The following PDE11A variants were observed in gnomAD, a reference collection of about 807,000 sequenced individuals.
The protein encoded by PDE11A is dual 3',5'-cyclic-AMP and -GMP phosphodiesterase 11A.
Under a neutral mutation model 100.5 loss-of-function variants are expected in PDE11A, and 100 were observed. That is an observed-to-expected ratio of 1.00 (90% CI 0.85 to 1.18). The LOEUF (loss-of-function observed/expected upper bound fraction) is 1.18, where lower values mean the gene tolerates loss of function less well. Among genes scored for constraint, PDE11A ranks in the 50% most tolerant of loss-of-function variants. PDE11A has a pLI of 0.00. For synonymous variants in PDE11A, 381 were observed against 420.8 expected, an observed-to-expected ratio of 0.91 and a Z score of 1.16; for missense variants, 1,141 against 1,152.6, an observed-to-expected ratio of 0.99 and a Z score of 0.15.
chr2:177,812,320 A>G (rs1377936882), intron 9 of PDE11A, among the ~76,000 whole-genome samples: 1 of 152,128 alleles, frequency 6.6e-6, no homozygotes, highest in East Asian at 1.9e-4. Flanking sequence ...ATTCAAGCCT[A>G]ACTAAACTGA....
chr2:177,633,407 C>A (rs1382213261), intron 19 of PDE11A, among the ~76,000 whole-genome samples: 2 of 152,192 alleles, frequency 1.3e-5, no homozygotes, highest in Non-Finnish European at 1.5e-5. Context: ...AAATAATCCT[C>A]TGCTCCAGGG....
intron 6 of PDE11A, among the ~76,000 whole-genome samples, chr2:177,830,406 C>T (rs1301411714): frequency 1.3e-5 from 2 of 151,970 alleles, no homozygotes; most frequent in East Asian, 3.9e-4. Context: ...TCAAGACCAG[C>T]CTGGCCAACA....
intron 3 of PDE11A, among the ~76,000 whole-genome samples, chr2:177,904,626 C>T (rs1463624853): frequency 1.3e-5 from 2 of 150,386 alleles, no homozygotes; most frequent in East Asian, 2.0e-4. Context: ...GCGATCTCCA[C>T]TCACTGTGAC....
At chr2:177,767,204 C>T (rs2082251415) in intron 10 of PDE11A, among the ~76,000 whole-genome samples, 1 of 152,152 alleles carries the variant, frequency 6.6e-6, no homozygotes, top group Admixed American at 6.5e-5. Flanking sequence ...GTGATGCGCG[C>T]CTGTAATCCC....
At chr2:177,765,247 A>G (rs1478957475) in intron 10 of PDE11A, among the ~76,000 whole-genome samples, 1 of 152,228 alleles carries the variant, frequency 6.6e-6, no homozygotes, top group Non-Finnish European at 1.5e-5. Flanking sequence ...TATGAAACAG[A>G]AAGACCAGAT....
intron 12 of PDE11A, among the ~76,000 whole-genome samples, chr2:177,724,664 A>G (rs1417176449): frequency 6.6e-6 from 1 of 152,124 alleles, no homozygotes; most frequent in African/African-American, 2.4e-5. Flanking sequence ...AAACAGGCCC[A>G]TCCTGATGGG....
intron 2 of PDE11A, among the ~76,000 whole-genome samples, chr2:178,098,762 A>G (rs537803928): frequency 1.3e-5 from 2 of 152,324 alleles, no homozygotes; most frequent in Admixed American, 1.3e-4. Flanking sequence ...ATTTTTGTAT[A>G]ATGTAAGCAT....
intron 1 of PDE11A, among the ~76,000 whole-genome samples, chr2:178,036,922 G>T (rs779161718): frequency 1.3e-5 from 2 of 152,102 alleles, no homozygotes; most frequent in Non-Finnish European, 2.9e-5. Context: ...AAAAACCCTA[G>T]AAGAAAACCC....
intron 5 of PDE11A, among the ~76,000 whole-genome samples, chr2:177,863,507 C>T (rs10178125): frequency 0.97 from 148,147 of 152,176 alleles, 72,218 homozygotes; most frequent in Middle Eastern, 1. Context: ...CAGCCCAATC[C>T]AAAAATGGGC....
chr2:177,762,971 C>T (rs373272485), intron 10 of PDE11A, among the ~76,000 whole-genome samples: 11 of 152,188 alleles, frequency 7.2e-5, no homozygotes, highest in African/African-American at 2.7e-4. Context: ...CACTCCCCCG[C>T]CCTCCGCCAC....
At chr2:177,784,206 T>C (rs2082496517) in intron 9 of PDE11A, among the ~76,000 whole-genome samples, 1 of 75,984 alleles carries the variant, frequency 1.3e-5, no homozygotes, top group East Asian at 4.4e-4. Flanking sequence ...CCACAAAGAC[T>C]GCTGATAAAA....
intron 2 of PDE11A, among the ~76,000 whole-genome samples, chr2:177,980,975 T>TAC (rs3073403): frequency 0.04 from 5,170 of 129,646 alleles, 198 homozygotes; most frequent in South Asian, 0.08. Flanking sequence ...GAGAACTAGA[T>TAC]ACACACACAC....
intron 2 of PDE11A, among the ~76,000 whole-genome samples, chr2:178,004,653 T>C (rs1359289763): frequency 6.6e-6 from 1 of 152,224 alleles, no homozygotes; most frequent in Non-Finnish European, 1.5e-5. Flanking sequence ...GACAGTTCTT[T>C]GTCATTTTGC....
chr2:178,031,285 G>T (rs188540865), intron 1 of PDE11A, among the ~76,000 whole-genome samples: 1 of 152,238 alleles, frequency 6.6e-6, no homozygotes, highest in Non-Finnish European at 1.5e-5. Flanking sequence ...AAGACAAAGA[G>T]ACCTGTTATA....
intron 19 of PDE11A, among the ~76,000 whole-genome samples, chr2:177,659,293 A>C (rs1388960111): frequency 6.6e-6 from 1 of 150,796 alleles, no homozygotes; most frequent in African/African-American, 2.4e-5. Context: ...AAAAAAGTGA[A>C]GGCAGAGAAA....
chr2:177,879,692 T>C lies in PDE11A; in HGVS notation c.1303-3769A>G, dbSNP rs200055959. ...AGATCTTTTAAAAATATTTTTTCCA[T>C]CTGAGGAATAGCAACTGAGGGATAT... On this transcript the variant is annotated intron_variant, in intron 4 of 19. Transcript: ENST00000286063. Among the ~76,000 whole-genome samples the C allele has an allele frequency of 2.0e-5, 3 of 152,210 alleles. No homozygotes were observed. The East Asian group carries it at 5.8e-4, about 29-fold the overall frequency.
Position 178,020,924 on chromosome 2 carries a change from G to GGTGTGT in PDE11A, c.913-6470_913-6465dup, listed in dbSNP as rs532087273. 4.3e-3 allele frequency among the ~76,000 whole-genome samples: 546 copies of GGTGTGT among 125,776 alleles called. 6 individuals are homozygous for GGTGTGT. Among genetic ancestry groups the GGTGTGT allele is most frequent in the East Asian group, 7.7e-3 (32 of 4,170 alleles). 82.5% of individuals were successfully genotyped at this position (125,776 alleles called of 152,430 possible). A position where few individuals can be genotyped will look rare whatever the true frequency, so the allele number is the denominator to read the frequency against. On this transcript the variant is annotated intron_variant, in intron 1 of 19. Coordinates refer to ENST00000286063, the MANE Select transcript of PDE11A (RefSeq NM_016953.4). ...CTTTGTTTTTTTGTTTTTTTGTCTT[G>GGTGTGT]GTGTGTGTGTGTGTGTGTGTGTGTG...
intron 6 of PDE11A, among the ~76,000 whole-genome samples, chr2:177,832,102 C>T (rs2083319776): frequency 6.6e-6 from 1 of 152,150 alleles, no homozygotes; most frequent in Non-Finnish European, 1.5e-5. Context: ...TAATTGGCCA[C>T]AGCCAGTGCC....
chr2:178,006,784 GACTA>G (rs2086217078), intron 2 of PDE11A, among the ~76,000 whole-genome samples: 2 of 148,956 alleles, frequency 1.3e-5, no homozygotes, highest in African/African-American at 2.5e-5. Context: ...CTACAGAAAA[GACTA>G]ACTACTTTCA....
Sources: gnomAD v4.1 joint callset for allele counts (sites outside exome capture counted in the v4.1 genomes callset) on GRCh38, gnomAD v4.1.1 for gene constraint, MANE v1.5 for transcripts, NCBI Gene and HGNC (gene_info 2026-07-23, HGNC 2026-07-21) for gene names.